The following PDGFD variants were observed in gnomAD, a reference collection of about 807,000 sequenced individuals.
PDGFD encodes the protein platelet-derived growth factor D.
In PDGFD, 30 loss-of-function variants were observed where a neutral mutation model predicts 44.7. The ratio of observed to expected loss-of-function variants is 0.67; its 90% confidence interval spans 0.50 to 0.91. The LOEUF (loss-of-function observed/expected upper bound fraction) is 0.91, where lower values mean the gene tolerates loss of function less well. PDGFD is among the 40% of genes least tolerant of loss of function. The pLI is 0.00. For missense variants in PDGFD, 445 were observed against 457.8 expected (o/e 0.97, Z 0.25); for synonymous variants, 173 against 168.4 (o/e 1.03, Z -0.21).
chr11:103,911,255 A>G (rs1858024808), intron 6 of PDGFD, among the ~76,000 whole-genome samples: 1 of 152,094 alleles, frequency 6.6e-6, no homozygotes, highest in Non-Finnish European at 1.5e-5. Flanking sequence ...CTGCCTCCTC[A>G]AGTGGGTCCC....
At chr11:104,161,339 G>GAAGAC (rs1862384526) in intron 1 of PDGFD, among the ~76,000 whole-genome samples, 1 of 152,120 alleles carries the variant, frequency 6.6e-6, no homozygotes, top group African/African-American at 2.4e-5. Flanking sequence ...CAAGAATATT[G>GAAGAC]TCGTCTTCAA....
chr11:104,135,862 T>C (rs1861996081), intron 1 of PDGFD, among the ~76,000 whole-genome samples: 1 of 152,160 alleles, frequency 6.6e-6, no homozygotes, highest in Non-Finnish European at 1.5e-5. Flanking sequence ...TCTGAGCTCA[T>C]GAGAGAGGTC....
At chr11:104,101,829 G>A (rs1000810487) in intron 1 of PDGFD, among the ~76,000 whole-genome samples, 1 of 151,918 alleles carries the variant, frequency 6.6e-6, no homozygotes, top group Non-Finnish European at 1.5e-5. Context: ...AATGGGGAAA[G>A]GATTTCCTAT....
chr11:104,144,026 T>A (rs1328586932), intron 1 of PDGFD, among the ~76,000 whole-genome samples: 3 of 152,196 alleles, frequency 2.0e-5, no homozygotes, highest in African/African-American at 7.2e-5. Context: ...AGATTCATGT[T>A]TTTATAGGCA....
At chr11:104,131,519 C>T (rs1477695464) in intron 1 of PDGFD, among the ~76,000 whole-genome samples, 1 of 151,882 alleles carries the variant, frequency 6.6e-6, no homozygotes, top group African/African-American at 2.4e-5. Flanking sequence ...AATAGAAGAT[C>T]TATGAGAAGA....
chr11:103,957,280 G>A (rs1457979952), intron 3 of PDGFD, among the ~76,000 whole-genome samples: 1 of 152,142 alleles, frequency 6.6e-6, no homozygotes, highest in Non-Finnish European at 1.5e-5. Flanking sequence ...TCGTGAAAAT[G>A]GCCATACTGC....
chr11:103,981,513 A>G (rs1418788086), intron 3 of PDGFD, among the ~76,000 whole-genome samples: 1 of 151,774 alleles, frequency 6.6e-6, no homozygotes, highest in Non-Finnish European at 1.5e-5. Flanking sequence ...CGTATATTTT[A>G]AAGATAATCT....
chr11:104,000,339 C>A, intron 1 of PDGFD, 84 bp from the exon 2 acceptor site: 1 of 1,171,310 alleles, frequency 8.5e-7, no homozygotes, highest in East Asian at 2.4e-5. Context: ...TACAACACAT[C>A]ATACTTCAAA....
chr11:104,070,965 C>T (rs924141458), intron 1 of PDGFD, among the ~76,000 whole-genome samples: 2 of 152,072 alleles, frequency 1.3e-5, no homozygotes, highest in Non-Finnish European at 1.5e-5. Flanking sequence ...TCAGATATTA[C>T]AAAATTCCCC....
intron 1 of PDGFD, among the ~76,000 whole-genome samples, chr11:104,010,687 A>G (rs1402274570): frequency 1.3e-5 from 2 of 152,112 alleles, no homozygotes; most frequent in Admixed American, 6.6e-5. Context: ...ATTTTATCAC[A>G]TTCATATTAA....
intron 3 of PDGFD, among the ~76,000 whole-genome samples, chr11:103,963,518 C>T (rs190944139): frequency 4.7e-4 from 72 of 152,156 alleles, no homozygotes; most frequent in Middle Eastern, 3.4e-3. Flanking sequence ...CGATATCGTT[C>T]GTACAAAAGT....
At chr11:103,929,925 C>T (rs1565287167) in intron 5 of PDGFD, among the ~76,000 whole-genome samples, 1 of 151,982 alleles carries the variant, frequency 6.6e-6, no homozygotes, top group African/African-American at 2.4e-5. Flanking sequence ...TGGTGTCAAC[C>T]GAGAGAGAGG....
chr11:104,127,084 C>G (rs112844221), intron 1 of PDGFD, among the ~76,000 whole-genome samples: 323 of 152,096 alleles, frequency 2.1e-3, no homozygotes, highest in African/African-American at 7.5e-3. Context: ...TGTTTTACTC[C>G]ACAAAAAGAG....
chr11:103,984,971 A>C (rs2134354323), intron 3 of PDGFD, among the ~76,000 whole-genome samples: 1 of 127,930 alleles, frequency 7.8e-6, no homozygotes, highest in South Asian at 2.5e-4. Flanking sequence ...AGTTATATTT[A>C]TTTAATATAT....
At chr11:104,049,489 G>C (rs1175969774) in intron 1 of PDGFD, among the ~76,000 whole-genome samples, 1 of 152,090 alleles carries the variant, frequency 6.6e-6, no homozygotes, top group South Asian at 2.1e-4. Context: ...AAGTGTTATG[G>C]CTTTTAGGGG....
At chr11:104,065,430 TTA>T (rs922253239) in intron 1 of PDGFD, among the ~76,000 whole-genome samples, 2 of 152,168 alleles carry the variant, frequency 1.3e-5, no homozygotes, top group Admixed American at 1.3e-4. Context: ...TTGAAAAATT[TTA>T]GTCTTAAAAA....
intron 1 of PDGFD, among the ~76,000 whole-genome samples, chr11:104,121,394 T>C (rs1028728123): frequency 2.6e-5 from 4 of 152,008 alleles, no homozygotes; most frequent in Non-Finnish European, 5.9e-5. Flanking sequence ...GTATCGTTTA[T>C]CCAGAATTAC....
At chr11:104,107,228 G>T (rs1201275856) in intron 1 of PDGFD, among the ~76,000 whole-genome samples, 1 of 152,180 alleles carries the variant, frequency 6.6e-6, no homozygotes, top group Admixed American at 6.6e-5. Context: ...CTTTAAAAGA[G>T]GGTCGATCTA....
intron 2 of PDGFD, among the ~76,000 whole-genome samples, chr11:103,997,734 A>G (rs1217406402): frequency 6.6e-6 from 1 of 152,220 alleles, no homozygotes; most frequent in Non-Finnish European, 1.5e-5. Flanking sequence ...TATTTACTGC[A>G]CAAAGCATGA....
Sources: gnomAD v4.1 joint callset for allele counts (sites outside exome capture counted in the v4.1 genomes callset) on GRCh38, gnomAD v4.1.1 for gene constraint, MANE v1.5 for transcripts, NCBI Gene and HGNC (gene_info 2026-07-23, HGNC 2026-07-21) for gene names.